The following ZFAND6 variants were observed in gnomAD, a reference collection of about 807,000 sequenced individuals.
ZFAND6 encodes the protein AN1-type zinc finger protein 6.
ZFAND6 carries 12 observed loss-of-function variants against 24.5 expected under a neutral mutation model. The ratio of observed to expected loss-of-function variants is 0.49; its 90% CI spans 0.31 to 0.79. The LOEUF is 0.79. ZFAND6 is among the 30% of genes least tolerant of loss of function. The pLI is 0.04. For synonymous variants in ZFAND6, 92 were observed against 81.5 expected (o/e 1.13, Z -0.69); for missense variants, 207 against 245.9 (o/e 0.84, Z 1.06).
At chr15:80,130,478 A>C (rs542467985) in intron 5 of ZFAND6, 1 of 152,308 alleles carries the variant, frequency 6.6e-6, no homozygotes, top group South Asian at 2.1e-4. Flanking sequence ...CTGCAAGGTC[A>C]TATTATATGA....
Position 80,137,733 on chromosome 15 carries a change from T to C in ZFAND6, c.*105T>C. On this transcript the variant is annotated 3_prime_UTR_variant, in exon 7 of 7. Coordinates refer to ENST00000261749, the MANE Select transcript of ZFAND6 (RefSeq NM_019006.4). ...AATGTAGAGCAGTGTATCTTGCATG[T>C]CATCGGAAGAATAGATTTTTGTTTT... 1 of 1,188,058 alleles carries C rather than the reference T, an allele frequency of 8.4e-7. No homozygotes were observed. Among genetic ancestry groups the C allele is most frequent in the Non-Finnish European group, 1.1e-6 (1 of 894,192 alleles). The allele number at this position is 1,188,058 out of a possible 1,614,324, so 73.6% of individuals were successfully genotyped here. A position where few individuals can be genotyped will look rare whatever the true frequency, so the allele number is the denominator to read the frequency against.
intron 1 of ZFAND6, among the ~76,000 whole-genome samples, chr15:80,084,531 G>A (rs1273390072): frequency 6.6e-6 from 1 of 152,218 alleles, no homozygotes; most frequent in Non-Finnish European, 1.5e-5. Context: ...TGGCATAAAA[G>A]GGTTAGATGA....
At chr15:80,084,319 C>G (rs1021565709) in intron 1 of ZFAND6, among the ~76,000 whole-genome samples, 2 of 152,200 alleles carry the variant, frequency 1.3e-5, no homozygotes, top group South Asian at 2.1e-4. Context: ...AGAAAATGTT[C>G]ATTGGAGCAT....
intron 1 of ZFAND6, among the ~76,000 whole-genome samples, chr15:80,065,537 ATTTTTTTTTTTTT>A (rs149756891): frequency 1.3e-5 from 1 of 76,506 alleles, no homozygotes; most frequent in African/African-American, 5.3e-5. Context: ...TTTGGTTTTG[ATTTTTTTTTTTTT>A]TTTTTTTTTT....
chr15:80,106,897 A>G lies in ZFAND6; in HGVS notation c.-18+8319A>G, dbSNP rs376220108. On this transcript the variant is annotated intron_variant, in intron 2 of 6. Transcript: ENST00000261749. ...AAATAGGTGAAAGAGGAAAAATACA[A>G]TGAAGTGTAATCAGAATCAAGATTT... Among the ~76,000 whole-genome samples the G allele has an allele frequency of 2.0e-5, 3 of 152,230 alleles. No homozygotes were observed. The East Asian group carries it at 5.8e-4, about 29-fold the overall frequency.
chr15:80,125,749 A>G (rs538274559), intron 5 of ZFAND6, among the ~76,000 whole-genome samples: 2 of 152,292 alleles, frequency 1.3e-5, no homozygotes, highest in South Asian at 2.1e-4. Flanking sequence ...AATTTGGTCA[A>G]CCTCTTAGTC....
At chr15:80,084,009 G>T (rs547209331) in intron 1 of ZFAND6, among the ~76,000 whole-genome samples, 23 of 152,292 alleles carry the variant, frequency 1.5e-4, no homozygotes, top group East Asian at 1.9e-4. Flanking sequence ...CACCCTGAGA[G>T]GATTTAAATA....
At chr15:80,072,151 C>T (rs544617059) in intron 1 of ZFAND6, among the ~76,000 whole-genome samples, 9 of 152,156 alleles carry the variant, frequency 5.9e-5, no homozygotes, top group African/African-American at 2.2e-4. Flanking sequence ...TTTTCTGTTG[C>T]CGTTTTACAA....
intron 1 of ZFAND6, among the ~76,000 whole-genome samples, chr15:80,063,502 G>T (rs1393289068): frequency 3.3e-5 from 5 of 151,052 alleles, no homozygotes; most frequent in African/African-American, 1.2e-4. Context: ...AGTGATTCTT[G>T]TTCCTCAGCC....
chr15:80,087,020 ACT>A (rs763606800), intron 1 of ZFAND6, among the ~76,000 whole-genome samples: 13 of 152,102 alleles, frequency 8.5e-5, no homozygotes, highest in Admixed American at 3.9e-4. Flanking sequence ...GTGGAATAAT[ACT>A]CTCTATATAT....
intron 2 of ZFAND6, among the ~76,000 whole-genome samples, chr15:80,116,567 T>TA (rs1270618532): frequency 3.3e-5 from 5 of 152,324 alleles, no homozygotes; most frequent in Non-Finnish European, 7.3e-5. Context: ...GTTATAGTGT[T>TA]ATAAAGAAAA....
At chr15:80,124,101 A>G (rs1039826956) in intron 5 of ZFAND6, among the ~76,000 whole-genome samples, 1 of 152,234 alleles carries the variant, frequency 6.6e-6, no homozygotes, top group African/African-American at 2.4e-5. Context: ...AGTTACATCA[A>G]AAAATTTAAG....
intron 1 of ZFAND6, among the ~76,000 whole-genome samples, chr15:80,063,599 A>G (rs1453841279): frequency 6.7e-6 from 1 of 148,984 alleles, no homozygotes; most frequent in African/African-American, 2.5e-5. Context: ...ACTCTGTTAT[A>G]CAGGCTAGAG....
At chr15:80,101,457 C>T (rs2039025601) in intron 2 of ZFAND6, among the ~76,000 whole-genome samples, 1 of 151,956 alleles carries the variant, frequency 6.6e-6, no homozygotes, top group South Asian at 2.1e-4. Flanking sequence ...GGCAAGACTC[C>T]ATCTCAAAGA....
At chr15:80,127,970 AT>A (rs1231993653) in intron 5 of ZFAND6, among the ~76,000 whole-genome samples, 1 of 152,242 alleles carries the variant, frequency 6.6e-6, no homozygotes, top group African/African-American at 2.4e-5. Context: ...ATAAAAAAAA[AT>A]GTGGTATATC....
At chr15:80,123,311 T>A (rs1430181384) in intron 5 of ZFAND6, among the ~76,000 whole-genome samples, 1 of 152,232 alleles carries the variant, frequency 6.6e-6, no homozygotes, top group Non-Finnish European at 1.5e-5. Context: ...ATCCCCATTA[T>A]GAAGCTCAAA....
At position 80,137,892 on chromosome 15, in the gene ZFAND6, A is replaced by C. The variant is rs1555438752; in HGVS notation, c.*264A>C. On this transcript the variant is annotated 3_prime_UTR_variant, in exon 7 of 7. Coordinates refer to ENST00000261749, the MANE Select transcript of ZFAND6 (RefSeq NM_019006.4). ...TTGAGTGCAGAGGGCTTTTATAACA[A>C]ACGTGCAGAAATTTTGGAGGGCTGT... 1.1e-5 allele frequency: 3 copies of C among 265,014 alleles called. No homozygotes were observed. The South Asian group carries it at 2.4e-4, about 21-fold the overall frequency. 16.4% of individuals were successfully genotyped at this position (265,014 alleles called of 1,614,324 possible).
intron 1 of ZFAND6, among the ~76,000 whole-genome samples, chr15:80,081,989 C>G (rs571355712): frequency 1.3e-5 from 2 of 152,312 alleles, no homozygotes; most frequent in Non-Finnish European, 2.9e-5. Flanking sequence ...TGGATGTACA[C>G]TAAAAGCTTT....
chr15:80,066,607 C>T (rs1404538574), intron 1 of ZFAND6, among the ~76,000 whole-genome samples: 1 of 152,116 alleles, frequency 6.6e-6, no homozygotes, highest in Non-Finnish European at 1.5e-5. Context: ...GCCACCACGC[C>T]CAGCCGAAAT....
Sources: gnomAD v4.1 joint callset for allele counts (sites outside exome capture counted in the v4.1 genomes callset) on GRCh38, gnomAD v4.1.1 for gene constraint, MANE v1.5 for transcripts, NCBI Gene and HGNC (gene_info 2026-07-23, HGNC 2026-07-21) for gene names.